The following WDPCP variants were observed in gnomAD, a reference collection of about 807,000 sequenced individuals.
The protein encoded by WDPCP is WD repeat containing planar cell polarity effector.
In WDPCP, 71 loss-of-function variants were observed where a neutral mutation model predicts 93.1. The ratio of observed to expected loss-of-function variants is 0.76; its 90% CI spans 0.63 to 0.93. WDPCP has a LOEUF of 0.93. WDPCP is among the 40% of genes least tolerant of loss of function. The pLI is 0.00. For synonymous variants in WDPCP, 315 were observed against 315.0 expected (o/e 1.00, Z 0.00); for missense variants, 844 against 887.4 (o/e 0.95, Z 0.62).
In WDPCP at chr2:63,259,264, T is replaced by C. The variant is rs539671731; in HGVS notation, c.1915+43A>G. 4.7e-6 allele frequency: 7 copies of C among 1,475,692 alleles called. No individual in the cohort carries two copies. In the South Asian group the frequency reaches 5.7e-5, roughly 12 times the overall value. 91.4% of individuals were successfully genotyped at this position (1,475,692 alleles called of 1,614,324 possible). A position where few individuals can be genotyped will look rare whatever the true frequency, so the allele number is the denominator to read the frequency against. On this transcript the variant is annotated intron_variant, in intron 14 of 17. Transcript: ENST00000272321. ...ACATAAATAGAAATGATACTAACTA[T>C]TGATTAAAATAAAAAGCACTTAAAA...
chr2:63,153,439 TA>T (rs1282557951), intron 16 of WDPCP, 55 bp downstream of exon 16: 5 of 1,376,880 alleles, frequency 3.6e-6, no homozygotes, highest in Non-Finnish European at 5.1e-6. Context: ...TCTTGCAAGC[TA>T]TAACATAGTT....
At chr2:63,705,352 G>C (rs969686207) in intron 2 of WDPCP, among the ~76,000 whole-genome samples, 2 of 152,072 alleles carry the variant, frequency 1.3e-5, no homozygotes, top group African/African-American at 2.4e-5. Flanking sequence ...TTTTGAATGT[G>C]TTTGCTCTTG....
intron 13 of WDPCP, among the ~76,000 whole-genome samples, chr2:63,304,018 G>A (rs1685534740): frequency 6.7e-6 from 1 of 149,120 alleles, no homozygotes; most frequent in Admixed American, 6.7e-5. Flanking sequence ...AGTAAAGGGA[G>A]CCCTTGTACA....
intron 2 of WDPCP, among the ~76,000 whole-genome samples, chr2:63,661,228 C>T (rs768401887): frequency 1.1e-4 from 17 of 152,200 alleles, no homozygotes; most frequent in Admixed American, 1.1e-3. Flanking sequence ...CTGGGAACAT[C>T]TCATTTAAAG....
intron 9 of WDPCP, among the ~76,000 whole-genome samples, chr2:63,417,257 T>C (rs1053334604): frequency 2.0e-5 from 3 of 152,204 alleles, no homozygotes; most frequent in Admixed American, 1.3e-4. Flanking sequence ...GATATTTATA[T>C]AGTGCAAACT....
At chr2:63,694,431 T>G (rs1044337793) in intron 2 of WDPCP, among the ~76,000 whole-genome samples, 1 of 152,204 alleles carries the variant, frequency 6.6e-6, no homozygotes. Flanking sequence ...TTGTAGGACA[T>G]GTATTTATTG....
intron 2 of WDPCP, among the ~76,000 whole-genome samples, chr2:63,736,478 T>C (rs1224906780): frequency 6.6e-6 from 1 of 152,234 alleles, no homozygotes; most frequent in East Asian, 1.9e-4. Context: ...TACAGAGAAC[T>C]TGTGGTCTCC....
intron 3 of WDPCP, among the ~76,000 whole-genome samples, chr2:63,624,942 A>G (rs912396771): frequency 6.6e-6 from 1 of 152,246 alleles, no homozygotes; most frequent in Non-Finnish European, 1.5e-5. Context: ...CAATACTGGC[A>G]AACCAAATCC....
chr2:63,775,178 G>T (rs1278740177), intron 2 of WDPCP, among the ~76,000 whole-genome samples: 2 of 152,164 alleles, frequency 1.3e-5, no homozygotes, highest in Non-Finnish European at 2.9e-5. Context: ...AGAAAATGTG[G>T]ATTATTGTCT....
At chr2:63,536,984 C>G (rs1704334319) in intron 1 of WDPCP, among the ~76,000 whole-genome samples, 1 of 151,890 alleles carries the variant, frequency 6.6e-6, no homozygotes, top group South Asian at 2.1e-4. Context: ...GCCTGGCTGG[C>G]CTCAAACTCT....
chr2:63,484,036 CT>C (rs1700421760), intron 6 of WDPCP, among the ~76,000 whole-genome samples: 1 of 151,918 alleles, frequency 6.6e-6, no homozygotes, highest in Admixed American at 6.6e-5. Flanking sequence ...CTATTGAACA[CT>C]TAAATGCGGG....
intron 9 of WDPCP, among the ~76,000 whole-genome samples, chr2:63,408,019 T>C (rs1694725400): frequency 1.3e-5 from 2 of 152,150 alleles, no homozygotes; most frequent in Admixed American, 1.3e-4. Context: ...TTTGCAAAGT[T>C]TGTGAGATGC....
intron 13 of WDPCP, among the ~76,000 whole-genome samples, chr2:63,284,261 C>G (rs747013680): frequency 6.6e-6 from 1 of 152,156 alleles, no homozygotes; most frequent in African/African-American, 2.4e-5. Flanking sequence ...ATGGTTATAA[C>G]TTAAACATGC....
chr2:63,324,439 G>A (rs1687369216), intron 12 of WDPCP, among the ~76,000 whole-genome samples: 1 of 152,162 alleles, frequency 6.6e-6, no homozygotes, highest in Admixed American at 6.5e-5. Flanking sequence ...TGTAGGGGAA[G>A]GGGAATTTGG....
chr2:63,725,481 A>T (rs558922580), intron 2 of WDPCP, among the ~76,000 whole-genome samples: 1 of 152,262 alleles, frequency 6.6e-6, no homozygotes, highest in East Asian at 1.9e-4. Flanking sequence ...TGTCTTTGCT[A>T]TTGTGAATAG....
chr2:63,619,025 T>G (rs1388261609), intron 3 of WDPCP, among the ~76,000 whole-genome samples: 1 of 152,112 alleles, frequency 6.6e-6, no homozygotes, highest in Non-Finnish European at 1.5e-5. Flanking sequence ...GGTTGTAAAT[T>G]GTATGGTGTG....
intron 12 of WDPCP, among the ~76,000 whole-genome samples, chr2:63,348,783 T>C (rs1203190807): frequency 6.6e-6 from 1 of 151,980 alleles, no homozygotes; most frequent in African/African-American, 2.4e-5. Context: ...AATAAGAATA[T>C]GAGTAAAAAG....
In WDPCP at chr2:63,709,743, T is replaced by C. The variant is rs149339096; in HGVS notation, n.309-58905A>G. On this transcript the variant is annotated intron_variant and non_coding_transcript_variant, in intron 2 of 4. Coordinates refer to the WDPCP transcript ENST00000467687. ...TTTTCCATTCCTACCTTGGGATGTATGCTTCTAGAATAATGTATGCAGTTT... is the reference window on the plus strand; with the variant it reads ...TTTTCCATTCCTACCTTGGGATGTACGCTTCTAGAATAATGTATGCAGTTT... Among the ~76,000 whole-genome samples, 21 of 152,360 alleles carry C rather than the reference T, an allele frequency of 1.4e-4. No individual in the cohort carries two copies. In the South Asian group the frequency reaches 2.7e-3, roughly 20 times the overall value.
At chr2:63,519,174 C>T (rs1380623468) in intron 1 of WDPCP, 1 of 152,210 alleles carries the variant, frequency 6.6e-6, no homozygotes, top group East Asian at 1.9e-4. Context: ...GATCACCAGA[C>T]TCTTTTCCAC....
Sources: allele counts gnomAD v4.1 joint callset (sites outside exome capture counted in the v4.1 genomes callset), GRCh38; gene constraint gnomAD v4.1.1; transcripts MANE v1.5; gene names NCBI Gene and HGNC (gene_info 2026-07-23, HGNC 2026-07-21).